WDR48: variants seen among roughly 807,000 people sequenced by gnomAD.
WDR48 encodes the protein WD repeat domain 48, also known as WD repeat-containing protein 48.
In WDR48, 22 loss-of-function variants were observed where a neutral mutation model predicts 94.0. The ratio of observed to expected loss-of-function variants is 0.23; its 90% CI spans 0.17 to 0.33. The LOEUF (loss-of-function observed/expected upper bound fraction) is 0.33, where lower values mean the gene tolerates loss of function less well. WDR48 is among the 10% of genes least tolerant of loss of function. The pLI is 1.00. For missense variants in WDR48, 541 were observed against 813.8 expected, an observed-to-expected ratio of 0.66 and a Z score of 4.08; for synonymous variants, 278 against 280.5, an observed-to-expected ratio of 0.99 and a Z score of 0.09.
At chr3:39,054,516 A>AT (rs963089030) in intron 1 of WDR48, among the ~76,000 whole-genome samples, 1 of 152,090 alleles carries the variant, frequency 6.6e-6, no homozygotes, top group Non-Finnish European at 1.5e-5. Flanking sequence ...GACTTAACAT[A>AT]TTTTTTTGCT....
chr3:39,093,422 T>C (rs907872963), intron 17 of WDR48, among the ~76,000 whole-genome samples: 8 of 152,236 alleles, frequency 5.3e-5, no homozygotes, highest in Non-Finnish European at 8.8e-5. Flanking sequence ...TAGAGTGCAG[T>C]GGCGTATCTT....
intron 16 of WDR48, chr3:39,089,866 G>A (rs978010953): frequency 6.6e-6 from 1 of 151,982 alleles, no homozygotes; most frequent in South Asian, 2.1e-4. Context: ...AGATTCTACT[G>A]TATAAATGTA....
chr3:39,088,238 G>A lies in WDR48; in HGVS notation c.1580+5G>A. 3 of 1,613,676 alleles carry A rather than the reference G, an allele frequency of 1.9e-6. No homozygotes were observed. The highest frequency in any genetic ancestry group is 2.2e-5 in the East Asian group (1 of 44,862). On this transcript the variant is annotated splice_donor_5th_base_variant and intron_variant, in intron 15 of 18. Transcript: ENST00000302313. The stretch of plus-strand genomic sequence containing the variant: ...TGGAGGTCGCACACTGTTCAGGTAT[G>A]GGTAAGAAAGACAAGAGGTTCTGCC...
At chr3:39,076,183 G>A (rs1254167963) in intron 8 of WDR48, among the ~76,000 whole-genome samples, 2 of 152,192 alleles carry the variant, frequency 1.3e-5, no homozygotes, top group African/African-American at 2.4e-5. Flanking sequence ...CAAATGCGAC[G>A]GTTGGGAGGA....
intron 8 of WDR48, among the ~76,000 whole-genome samples, chr3:39,076,361 G>T (rs1011918810): frequency 2.8e-4 from 43 of 152,220 alleles, no homozygotes; most frequent in African/African-American, 9.6e-4. Context: ...TGATGTGATG[G>T]GGAGACAAAC....
At position 39,088,185 on chromosome 3, in the gene WDR48, C is replaced by G; in HGVS notation, c.1532C>G (p.Pro511Arg). The G allele has an allele frequency of 1.2e-6, 2 of 1,614,174 alleles. No individual in the cohort carries two copies. Among genetic ancestry groups the G allele is most frequent in the Non-Finnish European group, 1.7e-6 (2 of 1,180,036 alleles). ...GGAAATGGATATTTTCAAGTGCCCC[C>G]ACATACACCCGTGATCTTTGGTGAA... ...QKGNGYFQVP[P>R]HTPVIFGEAG... Residue 511 changes from proline to arginine, a missense_variant, in exon 15 of 19, where the codon CCA (proline) becomes CGA (arginine). Coordinates refer to ENST00000302313, the MANE Select transcript of WDR48 (RefSeq NM_020839.4).
chr3:39,083,817 A>G (rs2034656271), intron 11 of WDR48, among the ~76,000 whole-genome samples: 2 of 152,228 alleles, frequency 1.3e-5, no homozygotes, highest in South Asian at 2.1e-4. Context: ...TCAAGGAACA[A>G]TGGGATGTGG....
chr3:39,083,127 G>A (rs78793623), intron 11 of WDR48, among the ~76,000 whole-genome samples: 1,757 of 152,296 alleles, frequency 0.012, 27 homozygotes, highest in Non-Finnish European at 0.016. Flanking sequence ...TTTAAATAAA[G>A]AGGGTGGCCT....
intron 1 of WDR48, among the ~76,000 whole-genome samples, chr3:39,058,238 C>T (rs934469993): frequency 1.3e-5 from 2 of 152,184 alleles, no homozygotes; most frequent in African/African-American, 4.8e-5. Flanking sequence ...ACAGAGATTA[C>T]AGGCATGAGC....
At chr3:39,078,758 C>T (rs758756365) in intron 10 of WDR48, among the ~76,000 whole-genome samples, 60 of 212 alleles carry the variant, frequency 0.28, no homozygotes, top group Non-Finnish European at 0.31. Flanking sequence ...ATGGGCCGGG[C>T]GCGGTGGCTC....
chr3:39,067,123 C>T (rs1376877008), intron 5 of WDR48, among the ~76,000 whole-genome samples: 1 of 152,160 alleles, frequency 6.6e-6, no homozygotes, highest in Non-Finnish European at 1.5e-5. Flanking sequence ...CATGTCTTAG[C>T]TCCCTAGCTA....
chr3:39,069,612 A>C (rs373614312), intron 6 of WDR48, 31 bp from the exon 7 acceptor site: 1 of 1,533,372 alleles, frequency 6.5e-7, no homozygotes, highest in South Asian at 1.1e-5. Context: ...TGATATATTT[A>C]GTTTGTGTAA....
At chr3:39,083,716 A>G (rs189957119) in intron 11 of WDR48, among the ~76,000 whole-genome samples, 1 of 152,322 alleles carries the variant, frequency 6.6e-6, no homozygotes, top group East Asian at 1.9e-4. Flanking sequence ...AGTGAAGGAA[A>G]GGTGTACCGT....
chr3:39,072,448 C>A (rs561418380), intron 7 of WDR48, among the ~76,000 whole-genome samples: 50 of 152,232 alleles, frequency 3.3e-4, no homozygotes, highest in Admixed American at 3.3e-3. Flanking sequence ...CCACTTATTG[C>A]CCCAGCTTAT....
At chr3:39,081,642 A>C (rs959448055) in intron 11 of WDR48, among the ~76,000 whole-genome samples, 5 of 152,172 alleles carry the variant, frequency 3.3e-5, no homozygotes, top group Non-Finnish European at 5.9e-5. Context: ...ATGTGTCCCT[A>C]ACTCTGTCCT....
intron 9 of WDR48, among the ~76,000 whole-genome samples, 164 bp downstream of exon 9, chr3:39,077,377 C>A (rs1023054781): frequency 6.6e-5 from 10 of 152,172 alleles, no homozygotes; most frequent in Admixed American, 3.3e-4. Flanking sequence ...TCCTAAAGAT[C>A]ATACTAAAAT....
intron 7 of WDR48, among the ~76,000 whole-genome samples, chr3:39,072,692 T>C (rs2034006175): frequency 6.6e-6 from 1 of 152,198 alleles, no homozygotes; most frequent in South Asian, 2.1e-4. Context: ...ATAATGAACA[T>C]CTTCATGTTT....
chr3:39,078,687 G>C (rs1206237675), intron 10 of WDR48, among the ~76,000 whole-genome samples: 1 of 151,628 alleles, frequency 6.6e-6, no homozygotes, highest in Non-Finnish European at 1.5e-5. Flanking sequence ...CCAAAGTACT[G>C]GGATTACGGG....
chr3:39,089,213 T>G lies in WDR48; in HGVS notation c.1581-18T>G. 1 of 1,608,962 alleles carries G rather than the reference T, an allele frequency of 6.2e-7. No individual in the cohort carries two copies. The highest frequency in any genetic ancestry group is 1.1e-5 in the South Asian group (1 of 89,738). On this transcript the variant is annotated intron_variant, in intron 15 of 18. Transcript: ENST00000302313. ...CTGTGCTTGTTGGGTTACTTACTAC[T>G]TGATGGTTTATGTTTAGGCTGCTCT...
Sources: gnomAD v4.1 joint callset for allele counts (sites outside exome capture counted in the v4.1 genomes callset) on GRCh38, gnomAD v4.1.1 for gene constraint, MANE v1.5 for transcripts, NCBI Gene and HGNC (gene_info 2026-07-23, HGNC 2026-07-21) for gene names.